Variants in NRG1 observed in about 807,000 individuals in gnomAD.
NRG1 encodes neuregulin 1, also known as pro-neuregulin-1, membrane-bound isoform.
Under a neutral mutation model 63.8 loss-of-function variants are expected in NRG1, and 18 were observed. That is an observed-to-expected ratio of 0.28 (90% confidence interval 0.19 to 0.42). The LOEUF (loss-of-function observed/expected upper bound fraction) is 0.42. NRG1 is among the 10% of genes least tolerant of loss of function. The pLI is 1.00. For missense variants in NRG1, 762 were observed against 814.7 expected, an observed-to-expected ratio of 0.94 and a Z score of 0.79; for synonymous variants, 302 against 301.3, an observed-to-expected ratio of 1.00 and a Z score of -0.02.
intron 5 of NRG1, among the ~76,000 whole-genome samples, chr8:32,680,268 C>G (rs543081149): frequency 7.9e-5 from 12 of 152,196 alleles, no homozygotes; most frequent in African/African-American, 2.4e-4. Flanking sequence ...TAATATAGAT[C>G]TAGGGTGACC....
intron 1 of NRG1, among the ~76,000 whole-genome samples, chr8:32,211,619 T>C (rs1009949191): frequency 6.6e-6 from 1 of 152,224 alleles, no homozygotes; most frequent in African/African-American, 2.4e-5. Context: ...GGCATCTTGC[T>C]TTGTTATGCA....
chr8:32,510,764 T>G (rs1243127565), intron 1 of NRG1, among the ~76,000 whole-genome samples: 1 of 152,070 alleles, frequency 6.6e-6, no homozygotes, highest in Non-Finnish European at 1.5e-5. Context: ...AGGACTCTTT[T>G]CAGTAATCCG....
At chr8:32,529,884 C>T (rs894856053) in intron 1 of NRG1, among the ~76,000 whole-genome samples, 1 of 152,130 alleles carries the variant, frequency 6.6e-6, no homozygotes, top group Non-Finnish European at 1.5e-5. Flanking sequence ...AGAAGGAGTG[C>T]ACTTAAAAGA....
At chr8:32,471,047 C>A (rs903895222) in intron 1 of NRG1, among the ~76,000 whole-genome samples, 1 of 152,200 alleles carries the variant, frequency 6.6e-6, no homozygotes, top group Non-Finnish European at 1.5e-5. Flanking sequence ...AGCAATCCTC[C>A]CACCTCAGCC....
At chr8:32,748,359 A>ACACAGAGAGG in intron 7 of NRG1, among the ~76,000 whole-genome samples, 1 of 13,822 alleles carries the variant, frequency 7.2e-5, no homozygotes, top group South Asian at 3.1e-3. Context: ...ACACACACAC[A>ACACAGAGAGG]GAGAGAGAGA....
At chr8:32,553,382 TA>T (rs894033845) in intron 1 of NRG1, among the ~76,000 whole-genome samples, 3 of 152,136 alleles carry the variant, frequency 2.0e-5, no homozygotes, top group African/African-American at 7.2e-5. Context: ...CCTTTTATGG[TA>T]AAAAATATCC....
At chr8:31,968,727 T>C (rs1186703366) in intron 1 of NRG1, among the ~76,000 whole-genome samples, 1 of 152,142 alleles carries the variant, frequency 6.6e-6, no homozygotes, top group Non-Finnish European at 1.5e-5. Flanking sequence ...CTATTTCTCA[T>C]GGTTTTTTTC....
intron 1 of NRG1, among the ~76,000 whole-genome samples, chr8:32,041,597 C>G (rs1820047190): frequency 6.6e-6 from 1 of 152,160 alleles, no homozygotes; most frequent in Non-Finnish European, 1.5e-5. Context: ...GTGACGGTGA[C>G]AGCAGCTGAG....
At chr8:32,535,155 G>A (rs1831832412) in intron 1 of NRG1, among the ~76,000 whole-genome samples, 1 of 152,048 alleles carries the variant, frequency 6.6e-6, no homozygotes, top group East Asian at 1.9e-4. Context: ...TGTCTCTTAA[G>A]GAGTTTCTGT....
chr8:32,350,114 T>C (rs1259583647), intron 1 of NRG1, among the ~76,000 whole-genome samples: 1 of 152,198 alleles, frequency 6.6e-6, no homozygotes. Context: ...GATTACAAAA[T>C]GTACCCTAAG....
intron 1 of NRG1, among the ~76,000 whole-genome samples, chr8:32,584,829 C>T (rs936549236): frequency 9.2e-5 from 14 of 152,142 alleles, no homozygotes; most frequent in Non-Finnish European, 1.2e-4. Context: ...CATTTATATG[C>T]ACTGCTTAAA....
intron 1 of NRG1, among the ~76,000 whole-genome samples, chr8:32,447,978 T>G (rs1445872429): frequency 5.3e-5 from 8 of 152,194 alleles, no homozygotes; most frequent in Non-Finnish European, 1.2e-4. Context: ...GGGGTTGAAA[T>G]TTTTATAGGT....
intron 1 of NRG1, among the ~76,000 whole-genome samples, chr8:32,164,267 G>T (rs1839174226): frequency 6.6e-6 from 1 of 150,628 alleles, no homozygotes; most frequent in Admixed American, 6.6e-5. Context: ...AACTCAACAA[G>T]GGAGAAGCTG....
chr8:32,108,035 TTATATC>T (rs1320195112), intron 1 of NRG1, among the ~76,000 whole-genome samples: 3 of 152,116 alleles, frequency 2.0e-5, no homozygotes, highest in Admixed American at 6.6e-5. Flanking sequence ...AGTACTATGA[TTATATC>T]TATATGAATA....
Position 32,754,575 on chromosome 8 carries a change from A to T in NRG1, c.794+101A>T. ...TGAGCTCCACAGCCTAGTCTTGGGG[A>T]TAAAAAAAAAAGGAGGGGCAGGGGG... On this transcript the variant is annotated intron_variant, in intron 8 of 11. Transcript: ENST00000356819. 5 of 1,068,592 alleles carry T rather than the reference A, an allele frequency of 4.7e-6. No individual in the cohort carries two copies. In the South Asian group the frequency reaches 6.8e-5, roughly 15 times the overall value. 66.2% of individuals were successfully genotyped at this position (1,068,592 alleles called of 1,614,324 possible).
chr8:31,812,792 T>A (rs948746433), intron 1 of NRG1, among the ~76,000 whole-genome samples: 4 of 152,156 alleles, frequency 2.6e-5, no homozygotes, highest in Non-Finnish European at 5.9e-5. Context: ...AGAAAAGGAA[T>A]TGAAATGTAA....
chr8:32,351,453 C>T (rs1805596556), intron 1 of NRG1, among the ~76,000 whole-genome samples: 1 of 152,176 alleles, frequency 6.6e-6, no homozygotes, highest in African/African-American at 2.4e-5. Context: ...AAGATCCACT[C>T]CACTAATGAG....
At chr8:31,980,444 T>A (rs934205482) in intron 1 of NRG1, among the ~76,000 whole-genome samples, 5 of 152,116 alleles carry the variant, frequency 3.3e-5, no homozygotes, top group South Asian at 2.1e-4. Flanking sequence ...TATTGTTCCC[T>A]TTATGAATAT....
At chr8:32,211,244 C>G (rs947018883) in intron 1 of NRG1, among the ~76,000 whole-genome samples, 4 of 152,142 alleles carry the variant, frequency 2.6e-5, no homozygotes, top group Non-Finnish European at 4.4e-5. Flanking sequence ...GTGCCAAATA[C>G]ATGCATTTAT....
Sources: gnomAD v4.1 joint callset for allele counts (sites outside exome capture counted in the v4.1 genomes callset) on GRCh38, gnomAD v4.1.1 for gene constraint, MANE v1.5 for transcripts, NCBI Gene and HGNC (gene_info 2026-07-23, HGNC 2026-07-21) for gene names.